The following ZHX2 variants were observed in gnomAD, a reference collection of about 807,000 sequenced individuals.
ZHX2 encodes zinc fingers and homeoboxes 2, also known as zinc fingers and homeoboxes protein 2.
In ZHX2, 6 loss-of-function variants were observed where a neutral mutation model predicts 21.9. The ratio of observed to expected loss-of-function variants is 0.27; its 90% CI spans 0.15 to 0.54. The LOEUF (loss-of-function observed/expected upper bound fraction) is 0.54, where lower values mean the gene tolerates loss of function less well. Among genes scored for constraint, ZHX2 ranks in the 20% least tolerant of loss-of-function variants. The pLI, the probability that ZHX2 is intolerant of heterozygous loss-of-function variation, is 0.95. For missense variants in ZHX2, 908 were observed against 1,090.7 expected (o/e 0.83, Z 2.36); for synonymous variants, 434 against 437.1 (o/e 0.99, Z 0.09).
chr8:122,943,761 GGGTTTGTT>G (rs1159638455), intron 2 of ZHX2, among the ~76,000 whole-genome samples: 1 of 152,176 alleles, frequency 6.6e-6, no homozygotes, highest in Non-Finnish European at 1.5e-5. Context: ...TCTGGTTTGA[GGGTTTGTT>G]CTTCATTGAT....
intron 1 of ZHX2, among the ~76,000 whole-genome samples, chr8:122,793,066 G>A (rs1170426854): frequency 1.3e-5 from 2 of 152,196 alleles, no homozygotes; most frequent in Admixed American, 6.5e-5. Context: ...AGCCTGGCTG[G>A]ACTTGCAGAG....
chr8:122,803,314 G>A (rs948089656), intron 1 of ZHX2, among the ~76,000 whole-genome samples: 2 of 152,180 alleles, frequency 1.3e-5, no homozygotes, highest in African/African-American at 4.8e-5. Context: ...CGCCTCAGAG[G>A]TGCCACTCCC....
chr8:122,870,136 G>A (rs1819395603), intron 2 of ZHX2, among the ~76,000 whole-genome samples: 1 of 152,274 alleles, frequency 6.6e-6, no homozygotes, highest in East Asian at 1.9e-4. Flanking sequence ...GACATTTGGA[G>A]GCTTTGGGGA....
chr8:122,936,272 C>CA (rs1812689103), intron 2 of ZHX2, among the ~76,000 whole-genome samples: 1 of 152,196 alleles, frequency 6.6e-6, no homozygotes, highest in African/African-American at 2.4e-5. Flanking sequence ...TGTTTAGAAA[C>CA]ATGATGTTCA....
chr8:122,783,514 C>G (rs1817334316), intron 1 of ZHX2, among the ~76,000 whole-genome samples: 1 of 152,102 alleles, frequency 6.6e-6, no homozygotes, highest in Admixed American at 6.5e-5. Context: ...CTTACTCACT[C>G]TCTCCTTTAT....
At chr8:122,835,467 G>T (rs1313640893) in intron 1 of ZHX2, among the ~76,000 whole-genome samples, 1 of 152,174 alleles carries the variant, frequency 6.6e-6, no homozygotes, top group Admixed American at 6.5e-5. Flanking sequence ...GAGGAGAATG[G>T]GTACAGGCAA....
Position 122,952,545 on chromosome 8 carries a change from C to T in ZHX2, c.1035C>T (p.Ile345=), listed in dbSNP as rs535426527. The part of the protein sequence containing the change: ...NGTIQSVPPT[I]TVLPAQLAPT... The stretch of plus-strand genomic sequence containing the variant: ...CCATCCAGTCAGTACCCCCGACCAT[C>T]ACTGTGCTGCCCGCCCAGTTGGCCC... Residue 345 remains isoleucine (I), a synonymous_variant, in exon 3 of 4, where the codon ATC becomes ATT. Coordinates refer to ENST00000314393, the MANE Select transcript of ZHX2 (RefSeq NM_014943.5). The surrounding 1 kb of genome is among the most constrained non-coding windows in gnomAD (Gnocchi z 6.9). 1.2e-6 allele frequency: 2 copies of T among 1,614,218 alleles called. No individual in the cohort carries two copies. Among genetic ancestry groups the T allele is most frequent in the South Asian group, 1.1e-5 (1 of 91,090 alleles).
intron 2 of ZHX2, among the ~76,000 whole-genome samples, chr8:122,869,722 G>A (rs1429217263): frequency 6.6e-6 from 1 of 152,220 alleles, no homozygotes; most frequent in South Asian, 2.1e-4. Context: ...CAGAGCCATC[G>A]AGAGTGTGCA....
chr8:122,850,739 C>T (rs1056983644), intron 1 of ZHX2, among the ~76,000 whole-genome samples: 1 of 151,998 alleles, frequency 6.6e-6, no homozygotes, highest in South Asian at 2.1e-4. Flanking sequence ...CCCAACACCC[C>T]CTCATGTCCT....
chr8:122,843,584 T>C (rs1052970022), intron 1 of ZHX2, among the ~76,000 whole-genome samples: 10 of 152,328 alleles, frequency 6.6e-5, no homozygotes, highest in Non-Finnish European at 1.0e-4. Context: ...GTTGCATCTA[T>C]AGCATTCTGA....
chr8:122,917,188 G>T (rs1820627499), intron 2 of ZHX2, among the ~76,000 whole-genome samples: 1 of 152,064 alleles, frequency 6.6e-6, no homozygotes, highest in South Asian at 2.1e-4. Context: ...CTGTGGCGTG[G>T]CCTCCAAGCG....
At chr8:122,955,658 T>G (rs1436289874) in intron 3 of ZHX2, among the ~76,000 whole-genome samples, 2 of 151,932 alleles carry the variant, frequency 1.3e-5, no homozygotes, top group Admixed American at 1.3e-4. Context: ...GAAATGCCTG[T>G]GTGTCAAGGG....
Position 122,872,967 on chromosome 8 carries a change from C to T in ZHX2, c.-220+9428C>T, listed in dbSNP as rs1343396715. On this transcript the variant is annotated intron_variant, in intron 2 of 3. Coordinates refer to ENST00000314393, the MANE Select transcript of ZHX2 (RefSeq NM_014943.5). ...GCTTCCACAGTGCTCCCAGCAAATG[C>T]CCTGGAATTGAGAAACTCAGGTCAC... 3.3e-5 allele frequency among the ~76,000 whole-genome samples: 5 copies of T among 152,128 alleles called. No homozygotes were observed. In the East Asian group the frequency reaches 9.7e-4, roughly 29 times the overall value.
chr8:122,887,050 CGTGTGTGTGTGT>C (rs10549696), intron 2 of ZHX2, among the ~76,000 whole-genome samples: 74 of 136,446 alleles, frequency 5.4e-4, no homozygotes, highest in East Asian at 1.3e-3. Context: ...GCTCTGCCAC[CGTGTGTGTGTGT>C]GTGTGTGTGT....
chr8:122,952,676 C>T lies in ZHX2; in HGVS notation c.1166C>T (p.Ser389Phe). The T allele has an allele frequency of 6.2e-7, 1 of 1,614,182 alleles. No homozygotes were observed. The highest frequency in any genetic ancestry group is 8.5e-7 in the Non-Finnish European group (1 of 1,180,036). Reference sequence around the variant, plus strand: ...GTGACCAGCGGGTCAACAACCGTCTCTTGCTCCCCCATCACACTTGCCGTG... The same window carrying T: ...GTGACCAGCGGGTCAACAACCGTCTTTTGCTCCCCCATCACACTTGCCGTG... The part of the protein sequence containing the change: ...TQVTSGSTTV[S>F]CSPITLAVAG... The change falls in exon 3 of 4, where the codon TCT (serine) becomes TTT (phenylalanine). Residue 389 changes from serine (S) to phenylalanine (F), a missense_variant. Around this residue, in one of 4 missense-constraint regions of ZHX2, gnomAD observed 232 missense variants for 361.8 expected, o/e 0.64. Coordinates refer to ENST00000314393, the MANE Select transcript of ZHX2 (RefSeq NM_014943.5). The surrounding 1 kb of genome is among the most constrained non-coding windows in gnomAD (Gnocchi z 6.9).
intron 2 of ZHX2, among the ~76,000 whole-genome samples, chr8:122,900,592 C>T (rs990877148): frequency 3.3e-5 from 5 of 152,122 alleles, no homozygotes; most frequent in South Asian, 2.1e-4. Context: ...GCTCCTCACA[C>T]GTGGGTTCTG....
At chr8:122,841,135 G>A (rs1818614981) in intron 1 of ZHX2, among the ~76,000 whole-genome samples, 1 of 152,170 alleles carries the variant, frequency 6.6e-6, no homozygotes, top group Admixed American at 6.5e-5. Context: ...GCCAGGTGGA[G>A]CGTTGCTGGT....
intron 2 of ZHX2, among the ~76,000 whole-genome samples, chr8:122,940,201 C>T (rs1333979004): frequency 6.6e-6 from 1 of 152,222 alleles, no homozygotes; most frequent in African/African-American, 2.4e-5. Flanking sequence ...GTGCTGGCTT[C>T]AGCCTGTGCC....
At chr8:122,816,820 C>T (rs1310903369) in intron 1 of ZHX2, among the ~76,000 whole-genome samples, 4 of 152,138 alleles carry the variant, frequency 2.6e-5, no homozygotes, top group Admixed American at 2.6e-4. Flanking sequence ...CTATGTTAGT[C>T]AGACTGGGCT....
Sources: gnomAD v4.1 joint callset for allele counts (sites outside exome capture counted in the v4.1 genomes callset) on GRCh38, gnomAD v4.1.1 for gene constraint, gnomAD v4.1.1 regional missense constraint, Gnocchi (gnomAD v3.1) non-coding constraint, MANE v1.5 for transcripts, NCBI Gene and HGNC (gene_info 2026-07-23, HGNC 2026-07-21) for gene names.